PLGRKT: variants seen among roughly 807,000 people sequenced by gnomAD.
The protein encoded by PLGRKT is plasminogen receptor with a C-terminal lysine, also known as plasminogen receptor (KT).
Under a neutral mutation model 18.5 loss-of-function variants are expected in PLGRKT, and 22 were observed. The observed-to-expected ratio is 1.19, with a 90% CI of 0.85 to 1.70. PLGRKT has a LOEUF of 1.70. PLGRKT is among the 40% of genes most tolerant of loss of function. The pLI, the probability that PLGRKT is intolerant of heterozygous loss-of-function variation, is 0.00. For missense variants in PLGRKT, 235 were observed against 174.4 expected, an observed-to-expected ratio of 1.35 and a Z score of -1.96; for synonymous variants, 72 against 52.8, an observed-to-expected ratio of 1.36 and a Z score of -1.58.
intron 3 of PLGRKT, among the ~76,000 whole-genome samples, chr9:5,383,487 A>G (rs1447867799): frequency 6.6e-6 from 1 of 152,190 alleles, no homozygotes; most frequent in Admixed American, 6.5e-5. Flanking sequence ...ATTCAAGTGC[A>G]TTATATTTAT....
chr9:5,406,296 A>G (rs1430158280), intron 3 of PLGRKT, among the ~76,000 whole-genome samples: 2 of 152,216 alleles, frequency 1.3e-5, no homozygotes, highest in African/African-American at 4.8e-5. Flanking sequence ...TCTGTTATAA[A>G]GACATATACA....
intron 4 of PLGRKT, 114 bp downstream of exon 4, chr9:5,361,644 G>A: frequency 1.0e-6 from 1 of 970,712 alleles, no homozygotes; most frequent in Non-Finnish European, 1.5e-6. Flanking sequence ...GGTTACTTTG[G>A]TTACATACAC....
intron 3 of PLGRKT, among the ~76,000 whole-genome samples, chr9:5,389,541 C>A (rs1563775804): frequency 6.6e-6 from 1 of 151,776 alleles, no homozygotes; most frequent in Non-Finnish European, 1.5e-5. Flanking sequence ...TCCTCCAGTA[C>A]CATCTGGATA....
At chr9:5,393,623 T>C (rs1817990364) in intron 3 of PLGRKT, among the ~76,000 whole-genome samples, 1 of 151,852 alleles carries the variant, frequency 6.6e-6, no homozygotes, top group African/African-American at 2.4e-5. Context: ...TAACCATTGG[T>C]AAGAAAATGA....
chr9:5,387,025 C>CAA (rs1817857376), intron 3 of PLGRKT, among the ~76,000 whole-genome samples: 1 of 151,898 alleles, frequency 6.6e-6, no homozygotes, highest in East Asian at 1.9e-4. Context: ...GACAGACTGC[C>CAA]AAGGGCAGAG....
chr9:5,395,309 T>C (rs1586723527), intron 3 of PLGRKT, among the ~76,000 whole-genome samples: 1 of 151,924 alleles, frequency 6.6e-6, no homozygotes, highest in Admixed American at 6.6e-5. Context: ...TATGAAACTA[T>C]AAAATGAATC....
At chr9:5,408,491 T>G (rs1818298800) in intron 3 of PLGRKT, among the ~76,000 whole-genome samples, 1 of 152,256 alleles carries the variant, frequency 6.6e-6, no homozygotes, top group African/African-American at 2.4e-5. Context: ...AGATGTAGAC[T>G]GGCTGCTTCT....
intron 3 of PLGRKT, among the ~76,000 whole-genome samples, chr9:5,424,693 C>T (rs2208698): frequency 0.14 from 8,074 of 57,566 alleles, 417 homozygotes; most frequent in Middle Eastern, 0.26. Context: ...TATATATATA[C>T]ACACAGGGGG....
At position 5,431,802 on chromosome 9, in the gene PLGRKT, T is replaced by C; in HGVS notation, c.81+95A>G. On this transcript the variant is annotated intron_variant, in intron 3 of 5. Coordinates refer to ENST00000223864, the MANE Select transcript of PLGRKT (RefSeq NM_018465.4). ...AGGATGCAGCCCAAAGAACATTTTA[T>C]TGTTGGGAGTCAAAGAGAATGTACG... 6.1e-6 allele frequency: 4 copies of C among 655,232 alleles called. 1 individual carries two copies. The highest frequency in any genetic ancestry group is 3.7e-5 in the South Asian group (2 of 53,958). 40.6% of individuals were successfully genotyped at this position (655,232 alleles called of 1,614,324 possible).
chr9:5,370,489 C>G (rs749094715), intron 3 of PLGRKT, among the ~76,000 whole-genome samples: 2 of 152,152 alleles, frequency 1.3e-5, no homozygotes, highest in Non-Finnish European at 2.9e-5. Context: ...AATAATTAGG[C>G]CAACTCTGAG....
chr9:5,384,023 C>G (rs1022224495), intron 3 of PLGRKT, among the ~76,000 whole-genome samples: 1 of 152,208 alleles, frequency 6.6e-6, no homozygotes, highest in Non-Finnish European at 1.5e-5. Flanking sequence ...AGCCACTCCA[C>G]TGTCACAGCG....
chr9:5,406,235 T>C (rs966855593), intron 3 of PLGRKT, among the ~76,000 whole-genome samples: 3 of 152,178 alleles, frequency 2.0e-5, no homozygotes, highest in Non-Finnish European at 4.4e-5. Flanking sequence ...AAAATACCAT[T>C]TGACCCAGCA....
At position 5,402,541 on chromosome 9, in the gene PLGRKT, C is replaced by T. The variant is rs563037816; in HGVS notation, c.81+29356G>A. Among the ~76,000 whole-genome samples, 12 of 152,058 alleles carry T rather than the reference C, an allele frequency of 7.9e-5. 1 individual carries two copies. The highest frequency in any genetic ancestry group is 5.9e-4 in the Admixed American group (9 of 15,294). The stretch of plus-strand genomic sequence containing the variant: ...AGACTCCTGCTGGGAACCACACTGG[C>T]TGATCCCCATCAGAAGCCAGAGGGC... On this transcript the variant is annotated intron_variant, in intron 3 of 5. Coordinates refer to ENST00000223864, the MANE Select transcript of PLGRKT (RefSeq NM_018465.4).
intron 3 of PLGRKT, among the ~76,000 whole-genome samples, chr9:5,407,231 A>T (rs865809110): frequency 6.6e-6 from 1 of 152,214 alleles, no homozygotes; most frequent in Non-Finnish European, 1.5e-5. Context: ...AAATTATCTT[A>T]CCATAATAAA....
intron 3 of PLGRKT, among the ~76,000 whole-genome samples, chr9:5,428,914 G>C (rs889466555): frequency 6.6e-6 from 1 of 152,106 alleles, no homozygotes; most frequent in Non-Finnish European, 1.5e-5. Context: ...GTTGCCCAGG[G>C]TGGTCTTGAA....
intron 3 of PLGRKT, among the ~76,000 whole-genome samples, chr9:5,383,973 G>A (rs1817794712): frequency 6.6e-6 from 1 of 152,160 alleles, no homozygotes; most frequent in Non-Finnish European, 1.5e-5. Context: ...GAATTTGCGG[G>A]GCCTGGGAAA....
At chr9:5,362,125 C>A (rs544488886) in intron 3 of PLGRKT, among the ~76,000 whole-genome samples, 1 of 152,224 alleles carries the variant, frequency 6.6e-6, no homozygotes, top group East Asian at 1.9e-4. Flanking sequence ...ATTTTTACAC[C>A]CTGAGGTCTT....
At chr9:5,364,309 C>T (rs573830851) in intron 3 of PLGRKT, among the ~76,000 whole-genome samples, 1 of 152,128 alleles carries the variant, frequency 6.6e-6, no homozygotes, top group East Asian at 1.9e-4. Flanking sequence ...TATTTTTTTT[C>T]CCACAAAAGA....
At chr9:5,430,778 C>T (rs548139987) in intron 3 of PLGRKT, among the ~76,000 whole-genome samples, 85 of 152,328 alleles carry the variant, frequency 5.6e-4, no homozygotes, top group African/African-American at 2.0e-3. Flanking sequence ...CCACAGAGGC[C>T]TAGACATCTT....
Sources: gnomAD v4.1 joint callset for allele counts (sites outside exome capture counted in the v4.1 genomes callset) on GRCh38, gnomAD v4.1.1 for gene constraint, MANE v1.5 for transcripts, NCBI Gene and HGNC (gene_info 2026-07-23, HGNC 2026-07-21) for gene names.